CD5: variants seen among roughly 807,000 people sequenced by gnomAD.
CD5 encodes the protein T-cell surface glycoprotein CD5.
CD5 carries 36 observed loss-of-function variants against 60.3 expected under a neutral mutation model. The observed-to-expected ratio is 0.60, with a 90% confidence interval of 0.46 to 0.79. CD5 has a LOEUF of 0.79. Ranked by LOEUF, CD5 falls within the 30% of genes least tolerant of loss-of-function variation. CD5 has a pLI of 0.00. For missense variants in CD5, 540 were observed against 630.6 expected (o/e 0.86, Z 1.54); for synonymous variants, 230 against 257.6 (o/e 0.89, Z 1.03).
chr11:61,094,172 G>A, the CD5 span, among the ~76,000 whole-genome samples: 8 of 151,784 alleles, frequency 5.3e-5, no homozygotes, highest in South Asian at 6.3e-4. Context: ...TGAGCGACAC[G>A]GATCCTCAGA....
Position 61,119,392 on chromosome 11 carries a change from T to G in CD5, c.622T>G (p.Ser208Ala). 1 of 1,614,154 alleles carries G rather than the reference T, an allele frequency of 6.2e-7. No homozygotes were observed. The change falls in exon 5 of 11, where the codon TCC (serine) becomes GCC (alanine). Residue 208 changes from serine (S) to alanine (A), a missense_variant. Physicochemically the swap from Ser to Ala is moderately conservative, Grantham distance 99 (BLOSUM62 1). Coordinates refer to ENST00000347785, the MANE Select transcript of CD5 (RefSeq NM_014207.4). The stretch of plus-strand genomic sequence containing the variant: ...CCTCTGCAACAACCTCCAGTGTGGC[T>G]CCTTCTTGAAGCATCTGCCAGAGAC... Reference protein sequence around the residue: ...NFLCNNLQCGSFLKHLPETEA... With the variant: ...NFLCNNLQCGAFLKHLPETEA...
intron 1 of CD5, 120 bp downstream of exon 1, chr11:61,102,735 G>A: frequency 2.3e-6 from 2 of 877,070 alleles, no homozygotes; most frequent in South Asian, 3.2e-5. Flanking sequence ...GGAGCGTTGT[G>A]GAGATTTGGG....
intron 5 of CD5, 50 bp from the exon 6 acceptor site, chr11:61,121,561 A>C: frequency 7.3e-7 from 1 of 1,376,238 alleles, no homozygotes; most frequent in Non-Finnish European, 9.4e-7. Flanking sequence ...AGCAGCACAC[A>C]GGCTCAGGTT....
chr11:61,118,037 C>T lies in CD5; in HGVS notation c.95-138C>T, dbSNP rs550827974. 3.5e-6 allele frequency: 3 copies of T among 868,006 alleles called. No homozygotes were observed. Among genetic ancestry groups the T allele is most frequent in the South Asian group, 1.6e-5 (1 of 60,860 alleles). 53.8% of individuals were successfully genotyped at this position (868,006 alleles called of 1,614,324 possible). Reference sequence around the variant, plus strand: ...AGCCCCTGCAGTGCCCCAGAAGGGACGAAGCTCACAAGGGGCAAGGCAGGC... The same window carrying T: ...AGCCCCTGCAGTGCCCCAGAAGGGATGAAGCTCACAAGGGGCAAGGCAGGC... On this transcript the variant is annotated intron_variant, in intron 2 of 10. Transcript: ENST00000347785. This position sits in a 1 kb window ranked among gnomAD's most constrained non-coding sequence, Gnocchi z 4.7.
intron 1 of CD5, among the ~76,000 whole-genome samples, chr11:61,109,503 AAAATT>A (rs1208955102): frequency 4.0e-5 from 6 of 149,656 alleles, no homozygotes; most frequent in African/African-American, 1.5e-4. Flanking sequence ...AAAGCAAAAC[AAAATT>A]AAAAGAAACC....
upstream of CD5, chr11:61,102,456 G>GGACCCC: frequency 1.9e-6 from 1 of 535,242 alleles, no homozygotes; most frequent in Middle Eastern, 5.5e-4. Flanking sequence ...CCCTCCCTGA[G>GGACCCC]CACGCCACCC....
chr11:61,119,363 A>T lies in CD5; in HGVS notation c.593A>T (p.Asn198Ile). Residue 198 changes from asparagine to isoleucine, a missense_variant, in exon 5 of 11, where the codon AAC (asparagine) becomes ATC (isoleucine). Transcript: ENST00000347785. The part of the protein sequence containing the change: ...EAQDKTQDLE[N>I]FLCNNLQCGS... ...CAGGACAAGACCCAGGACCTGGAGA[A>T]CTTCCTCTGCAACAACCTCCAGTGT... 1.2e-6 allele frequency: 2 copies of T among 1,614,166 alleles called. No individual in the cohort carries two copies. The highest frequency in any genetic ancestry group is 2.2e-5 in the South Asian group (2 of 91,086).
intron 2 of CD5, among the ~76,000 whole-genome samples, chr11:61,116,847 CCA>C (rs1360543798): frequency 2.0e-5 from 3 of 148,942 alleles, no homozygotes; most frequent in Non-Finnish European, 4.5e-5. Flanking sequence ...ACACACACCA[CCA>C]CACACACATC....
rs934719106 is a variant in CD5 at position 61,126,741 on chromosome 11, T to C, written c.*456T>C. ...AAATCGAGCGCTTTGGCCTCTTCTG[T>C]GCAGCATCCACCCCTGCGGATCCCT... On this transcript the variant is annotated 3_prime_UTR_variant, in exon 11 of 11. Coordinates refer to ENST00000347785, the MANE Select transcript of CD5 (RefSeq NM_014207.4). 7.2e-5 allele frequency: 11 copies of C among 152,250 alleles called. No homozygotes were observed. The highest frequency in any genetic ancestry group is 2.4e-4 in the African/African-American group (10 of 41,446). The allele number at this position is 152,250 out of a possible 1,614,324, so 9.4% of individuals were successfully genotyped here.
the CD5 span, among the ~76,000 whole-genome samples, chr11:61,094,302 GACA>G: frequency 6.6e-6 from 1 of 152,056 alleles, no homozygotes; most frequent in Non-Finnish European, 1.5e-5. Context: ...TTGGAGTCCG[GACA>G]ACTGAAACTT....
chr11:61,096,577 T>C, the CD5 span, among the ~76,000 whole-genome samples: 2 of 152,238 alleles, frequency 1.3e-5, no homozygotes, highest in African/African-American at 2.4e-5. Flanking sequence ...TTCTTGTACA[T>C]GCCTGACTGT....
the CD5 span, among the ~76,000 whole-genome samples, chr11:61,095,299 G>T: frequency 3.9e-5 from 6 of 152,154 alleles, no homozygotes; most frequent in African/African-American, 1.4e-4. Flanking sequence ...CCCAAGACTG[G>T]AATCCAAATG....
At chr11:61,099,870 T>C (rs1435123361), upstream of CD5, among the ~76,000 whole-genome samples, 1 of 147,414 alleles carries the variant, frequency 6.8e-6, no homozygotes, top group African/African-American at 2.6e-5. Context: ...CATGTCAACA[T>C]GGAGATCATA....
rs1400648556 is a variant in CD5 at position 61,125,785 on chromosome 11, G to A, written c.1434G>A (p.Gln478=). ...LEGALHRSSM[Q]PDNSSDSDYD... Reference sequence around the variant, plus strand: ...GGGCTCTGCATCGCTCCTCCATGCAGCCTGACAACTCCTCCGACAGTGACT... The same window carrying A: ...GGGCTCTGCATCGCTCCTCCATGCAACCTGACAACTCCTCCGACAGTGACT... The change falls in exon 10 of 11, where the codon CAG becomes CAA. Residue 478 remains glutamine, a synonymous_variant. Coordinates refer to ENST00000347785, the MANE Select transcript of CD5 (RefSeq NM_014207.4). 3.7e-6 allele frequency: 6 copies of A among 1,612,444 alleles called. No homozygotes were observed. The highest frequency in any genetic ancestry group is 1.3e-5 in the African/African-American group (1 of 74,870).
intron 1 of CD5, among the ~76,000 whole-genome samples, chr11:61,106,533 T>TG (rs1354461543): frequency 6.6e-6 from 1 of 152,238 alleles, no homozygotes; most frequent in Middle Eastern, 3.4e-3. Flanking sequence ...TGAAGGGACC[T>TG]GGGGGCCCAG....
Position 61,125,838 on chromosome 11 carries a change from A to G in CD5, c.1487A>G (p.Ter496=). The G allele has an allele frequency of 3.1e-6, 5 of 1,604,930 alleles. No homozygotes were observed. The highest frequency in any genetic ancestry group is 4.3e-6 in the Non-Finnish European group (5 of 1,174,222). The change falls in exon 10 of 11, where the codon TAA becomes TGA. Residue 496 remains the stop codon, a stop_retained_variant. Coordinates refer to ENST00000347785, the MANE Select transcript of CD5 (RefSeq NM_014207.4). ...GATCTGCATGGGGCTCAGAGGCTGT[A>G]AAGGTGAGCCCGTCTCCAGCCTGAC... ...DYDLHGAQRL[*]
At chr11:61,102,460 G>GCC, upstream of CD5, 2 of 242,276 alleles carry the variant, frequency 8.3e-6, no homozygotes, top group South Asian at 3.6e-5. Flanking sequence ...CCCTGAGCAC[G>GCC]CCACCCCGCC....
At chr11:61,123,810 C>CCAA (rs1861104518) in intron 7 of CD5, 74 bp from the exon 8 acceptor site, 3 of 605,698 alleles carry the variant, frequency 5.0e-6, no homozygotes, top group Non-Finnish European at 9.0e-6. Flanking sequence ...GGCCCAGCCC[C>CCAA]ATCCCCACCC....
chr11:61,121,566 C>T (rs1175043832), intron 5 of CD5, 45 bp from the exon 6 acceptor site: 3 of 1,389,782 alleles, frequency 2.2e-6, no homozygotes, highest in African/African-American at 2.9e-5. Flanking sequence ...CACACAGGCT[C>T]AGGTTCACAC....
Sources: gnomAD v4.1 joint callset for allele counts (sites outside exome capture counted in the v4.1 genomes callset) on GRCh38, gnomAD v4.1.1 for gene constraint, Gnocchi (gnomAD v3.1) non-coding constraint, MANE v1.5 for transcripts, NCBI Gene and HGNC (gene_info 2026-07-23, HGNC 2026-07-21) for gene names.